Variants in UBR4 observed in about 807,000 individuals in gnomAD.
The protein encoded by UBR4 is ubiquitin protein ligase E3 component n-recognin 4.
A neutral mutation model predicts 575.6 loss-of-function variants in UBR4; 124 were observed. The observed-to-expected ratio is 0.22, with a 90% CI of 0.19 to 0.25. The LOEUF is 0.25. UBR4 is among the 10% of genes least tolerant of loss of function. UBR4 has a pLI of 1.00. For synonymous variants in UBR4, 2,455 were observed against 2,473.7 expected (o/e 0.99, Z 0.22); for missense variants, 4,818 against 6,478.8 (o/e 0.74, Z 8.80).
intron 55 of UBR4, among the ~76,000 whole-genome samples, chr1:19,143,218 G>A (rs2084216980): frequency 9.7e-6 from 1 of 103,546 alleles, no homozygotes; most frequent in African/African-American, 3.5e-5. Flanking sequence ...AGGAAAGAAA[G>A]GAAGGAAGGA....
chr1:19,198,148 C>T (rs1405537455), intron 5 of UBR4, 99 bp from the exon 6 acceptor site: 2 of 1,190,856 alleles, frequency 1.7e-6, no homozygotes, highest in Non-Finnish European at 2.4e-6. Context: ...CCAGACTCCC[C>T]AGTTAGTGAA....
intron 91 of UBR4, among the ~76,000 whole-genome samples, 187 bp downstream of exon 91, chr1:19,097,006 T>G (rs1408224889): frequency 7.1e-6 from 1 of 140,696 alleles, no homozygotes; most frequent in Non-Finnish European, 1.6e-5. Context: ...TTTTTTTTTT[T>G]GAACACTCAG....
At chr1:19,186,420 T>C in intron 14 of UBR4, 120 bp downstream of exon 14, 3 of 749,036 alleles carry the variant, frequency 4.0e-6, no homozygotes, top group Non-Finnish European at 6.2e-6. Flanking sequence ...AGGTCCAGGC[T>C]AAGCAGGTGA....
At chr1:19,131,258 A>AT (rs1557709824) in intron 60 of UBR4, among the ~76,000 whole-genome samples, 2 of 150,470 alleles carry the variant, frequency 1.3e-5, no homozygotes, top group Non-Finnish European at 3.0e-5. Flanking sequence ...AAAAAAAAAA[A>AT]AAAAAAAAAA....
chr1:19,197,286 A>G (rs1386027850), intron 7 of UBR4, 21 bp from the exon 8 acceptor site: 2 of 1,613,904 alleles, frequency 1.2e-6, no homozygotes, highest in African/African-American at 2.7e-5. Context: ...ACAGAGATCA[A>G]CAAGTGTCTC....
intron 52 of UBR4, 113 bp downstream of exon 52, chr1:19,146,713 T>C: frequency 7.0e-7 from 1 of 1,429,120 alleles, no homozygotes; most frequent in Non-Finnish European, 9.4e-7. Flanking sequence ...GGAAGCAAAA[T>C]CCCTGTCTCT....
At position 19,119,637 on chromosome 1, in the gene UBR4, G is replaced by C. The variant is rs1001187138; in HGVS notation, c.10375C>G (p.Pro3459Ala). The change falls in exon 70 of 106, where the codon CCA becomes GCA. Residue 3459 changes from proline to alanine, a missense_variant. Physicochemically the swap from Pro to Ala is conservative, Grantham distance 27. Coordinates refer to ENST00000375254, the MANE Select transcript of UBR4 (RefSeq NM_020765.3). ...DLMWSIWPEL[P>A]AYGRKAAQFV... is the part of the protein sequence containing the mutation. Reference sequence around the variant, plus strand: ...TGGGCAGCCTTACGACCATAGGCTGGGAGTTCTGGCCAGATGGACCACATC... The same window carrying C: ...TGGGCAGCCTTACGACCATAGGCTGCGAGTTCTGGCCAGATGGACCACATC... 1.9e-6 allele frequency: 3 copies of C among 1,614,040 alleles called. No individual in the cohort carries two copies. Among genetic ancestry groups the C allele is most frequent in the Non-Finnish European group, 1.7e-6 (2 of 1,179,924 alleles).
intron 41 of UBR4, 29 bp from the exon 42 acceptor site, chr1:19,156,452 GA>G (rs1325614821): frequency 1.2e-6 from 2 of 1,605,336 alleles, no homozygotes; most frequent in Non-Finnish European, 1.7e-6. Context: ...ACAAAATGGT[GA>G]AAAGATGATC....
chr1:19,104,598 A>G lies in UBR4; in HGVS notation c.12714T>C (p.Leu4238=), dbSNP rs778947541. 6.2e-7 allele frequency: 1 copy of G among 1,614,134 alleles called. No homozygotes were observed. Among genetic ancestry groups the G allele is most frequent in the Admixed American group, 1.7e-5 (1 of 60,014 alleles). The change falls in exon 86 of 106, where the codon CTT becomes CTC. Residue 4238 remains leucine, a synonymous_variant. Coordinates refer to ENST00000375254, the MANE Select transcript of UBR4 (RefSeq NM_020765.3). ...GTGGCTCTTTACCTGTGAGACTTTTAAGGGCATAACCCTGCTGCAGATCGG... is the reference window on the plus strand; with the variant it reads ...GTGGCTCTTTACCTGTGAGACTTTTGAGGGCATAACCCTGCTGCAGATCGG... ...LSTDLQQGYA[L]KSLTGLLSSF... is the part of the protein sequence containing the mutation.
At position 19,150,778 on chromosome 1, in the gene UBR4, T is replaced by A; in HGVS notation, c.7229A>T (p.Asp2410Val). Residue 2410 changes from aspartate (D) to valine (V), a missense_variant, in exon 49 of 106, where the codon GAT (aspartate) becomes GTT (valine). By Grantham distance (152) the Asp-to-Val change is radical. Transcript: ENST00000375254. ...ATCTATCATGGTGACACCTGCTGGA[T>A]CCACCGAGGCCCCAACTGCAATAAG... ...KLNLFIGASV[D>V]PAGVTMIDAV... The A allele has an allele frequency of 6.2e-7, 1 of 1,613,798 alleles. No homozygotes were observed. The highest frequency in any genetic ancestry group is 8.5e-7 in the Non-Finnish European group (1 of 1,179,986).
At chr1:19,193,325 T>C (rs2092244787) in intron 9 of UBR4, 108 bp downstream of exon 9, 2 of 1,455,760 alleles carry the variant, frequency 1.4e-6, no homozygotes, top group Non-Finnish European at 1.9e-6. Context: ...GGGAAAGTAG[T>C]GTGGAGAATA....
intron 20 of UBR4, among the ~76,000 whole-genome samples, chr1:19,175,596 CTAGAGA>C (rs967371007): frequency 2.0e-5 from 3 of 152,106 alleles, no homozygotes; most frequent in Non-Finnish European, 4.4e-5. Context: ...GAGAAAAACA[CTAGAGA>C]TAATCTCATG....
At chr1:19,165,207 A>T (rs749606506) in intron 31 of UBR4, 42 bp downstream of exon 31, 9 of 1,575,854 alleles carry the variant, frequency 5.7e-6, no homozygotes, top group Non-Finnish European at 7.9e-6. Context: ...TTAGCCGGAC[A>T]TCAAAGTTCC....
At chr1:19,162,017 G>C in intron 35 of UBR4, 120 bp from the exon 36 acceptor site, 1 of 1,111,930 alleles carries the variant, frequency 9.0e-7, no homozygotes, top group Non-Finnish European at 1.3e-6. Context: ...ATGACCCGTG[G>C]AAATCTACCA....
At chr1:19,183,696 T>G (rs867716161) in intron 17 of UBR4, 115 bp downstream of exon 17, 3 of 1,080,012 alleles carry the variant, frequency 2.8e-6, no homozygotes, top group South Asian at 2.8e-5. Flanking sequence ...CACTCCAGCC[T>G]GGGTAACAGA....
intron 44 of UBR4, among the ~76,000 whole-genome samples, chr1:19,154,440 C>A (rs1295332238): frequency 6.6e-6 from 1 of 152,196 alleles, no homozygotes; most frequent in Non-Finnish European, 1.5e-5. Flanking sequence ...ATGAAACTCT[C>A]ACTACCTTAC....
chr1:19,148,785 G>C (rs898249454), intron 49 of UBR4, among the ~76,000 whole-genome samples, 159 bp from the exon 50 acceptor site: 1 of 152,176 alleles, frequency 6.6e-6, no homozygotes, highest in Admixed American at 6.5e-5. Context: ...CATGCATATC[G>C]TTTCCTACGT....
intron 25 of UBR4, among the ~76,000 whole-genome samples, chr1:19,172,337 C>T (rs1212521717): frequency 2.6e-5 from 4 of 151,798 alleles, no homozygotes; most frequent in Non-Finnish European, 4.4e-5. Context: ...GCCAACATGG[C>T]GAAACCCCGT....
At chr1:19,156,677 C>A in intron 41 of UBR4, 90 bp downstream of exon 41, 1 of 1,503,896 alleles carries the variant, frequency 6.6e-7, no homozygotes, top group Non-Finnish European at 8.9e-7. Context: ...ATCTCCACAA[C>A]GAATAAGAAA....
Sources: allele counts gnomAD v4.1 joint callset (sites outside exome capture counted in the v4.1 genomes callset), GRCh38; gene constraint gnomAD v4.1.1; transcripts MANE v1.5; gene names NCBI Gene and HGNC (gene_info 2026-07-23, HGNC 2026-07-21).